The following GLRX3 variants were observed in gnomAD, a reference collection of about 807,000 sequenced individuals.
The protein encoded by GLRX3 is glutaredoxin-3.
A neutral mutation model predicts 49.5 loss-of-function variants in GLRX3; 22 were observed. The observed-to-expected ratio is 0.44, with a 90% CI of 0.32 to 0.63. The LOEUF is 0.63. GLRX3 is among the 30% of genes least tolerant of loss of function. The probability of loss-of-function intolerance (pLI) is 0.05; values close to 1 mark genes in which losing one functional copy is unlikely to be tolerated. For missense variants in GLRX3, 385 were observed against 396.3 expected (o/e 0.97, Z 0.24); for synonymous variants, 133 against 140.0 (o/e 0.95, Z 0.35).
intron 1 of GLRX3, among the ~76,000 whole-genome samples, chr10:130,138,530 A>G (rs1018587157): frequency 2.6e-5 from 4 of 152,210 alleles, no homozygotes; most frequent in Non-Finnish European, 4.4e-5. Flanking sequence ...TGATGAAATT[A>G]AAGTGTTATT....
chr10:130,176,321 T>C (rs1321389188), intron 10 of GLRX3, among the ~76,000 whole-genome samples: 1 of 152,118 alleles, frequency 6.6e-6, no homozygotes, highest in Admixed American at 6.5e-5. Context: ...GGTTTCACCA[T>C]GTTGGCCAGG....
At chr10:130,147,086 A>G (rs1862284161) in intron 2 of GLRX3, among the ~76,000 whole-genome samples, 1 of 152,240 alleles carries the variant, frequency 6.6e-6, no homozygotes, top group African/African-American at 2.4e-5. Flanking sequence ...AGATGTGAAT[A>G]TAGTGATTAG....
chr10:130,156,651 C>T (rs1250124097), intron 2 of GLRX3, among the ~76,000 whole-genome samples: 1 of 152,170 alleles, frequency 6.6e-6, no homozygotes, highest in East Asian at 1.9e-4. Flanking sequence ...TGTAGCTATT[C>T]GCCGTTACTG....
chr10:130,179,870 A>G (rs773726793), downstream of GLRX3, among the ~76,000 whole-genome samples: 3 of 152,208 alleles, frequency 2.0e-5, no homozygotes, highest in African/African-American at 4.8e-5. Flanking sequence ...TTCTGATGTC[A>G]TTGCTGAGCT....
intron 2 of GLRX3, among the ~76,000 whole-genome samples, chr10:130,155,418 T>C (rs1223622202): frequency 6.6e-6 from 1 of 152,184 alleles, no homozygotes; most frequent in Non-Finnish European, 1.5e-5. Flanking sequence ...TAGAAGCAGG[T>C]ACCCCAGTTA....
At chr10:130,174,151 T>C (rs986792633) in intron 8 of GLRX3, among the ~76,000 whole-genome samples, 1 of 152,274 alleles carries the variant, frequency 6.6e-6, no homozygotes, top group Non-Finnish European at 1.5e-5. Context: ...AAAGCTTTCA[T>C]TGGCCTTTTG....
chr10:130,159,298 T>C (rs1003674111), intron 2 of GLRX3, among the ~76,000 whole-genome samples: 6 of 152,340 alleles, frequency 3.9e-5, no homozygotes, highest in African/African-American at 1.4e-4. Context: ...AGAAATTGTG[T>C]TACTAAATGT....
chr10:130,163,055 C>T (rs954152684), intron 4 of GLRX3, among the ~76,000 whole-genome samples: 1 of 152,012 alleles, frequency 6.6e-6, no homozygotes, highest in Non-Finnish European at 1.5e-5. Context: ...TTATATTAAA[C>T]TTATTTAAAT....
At chr10:130,162,257 A>G (rs1862589158) in intron 4 of GLRX3, among the ~76,000 whole-genome samples, 1 of 152,218 alleles carries the variant, frequency 6.6e-6, no homozygotes. Flanking sequence ...TGCTGGGATT[A>G]TAGGCGTGAG....
At chr10:130,169,748 A>G (rs904904354) in intron 7 of GLRX3, among the ~76,000 whole-genome samples, 1 of 152,204 alleles carries the variant, frequency 6.6e-6, no homozygotes, top group African/African-American at 2.4e-5. Context: ...CACTGTTAAC[A>G]CTTTACTGGT....
chr10:130,141,914 T>C (rs188220117), intron 1 of GLRX3, among the ~76,000 whole-genome samples: 13 of 152,314 alleles, frequency 8.5e-5, no homozygotes, highest in Admixed American at 5.2e-4. Context: ...GCCTGTGTTC[T>C]AGTTTTAGGG....
At chr10:130,144,312 T>G (rs1237362258) in intron 1 of GLRX3, among the ~76,000 whole-genome samples, 2 of 151,230 alleles carry the variant, frequency 1.3e-5, no homozygotes, top group East Asian at 2.0e-4. Flanking sequence ...TTCGTTTACT[T>G]TAAGTTCTGG....
At chr10:130,152,887 G>A (rs745598943) in intron 2 of GLRX3, among the ~76,000 whole-genome samples, 4 of 152,214 alleles carry the variant, frequency 2.6e-5, no homozygotes, top group Non-Finnish European at 5.9e-5. Flanking sequence ...ATAATATCCT[G>A]AAGAGTGTTT....
intron 2 of GLRX3, among the ~76,000 whole-genome samples, chr10:130,154,423 G>T (rs754298249): frequency 3.9e-5 from 6 of 152,180 alleles, no homozygotes; most frequent in Non-Finnish European, 7.3e-5. Flanking sequence ...CATTGATCTC[G>T]CTGGGAGCTG....
chr10:130,143,926 C>T (rs931258624), intron 1 of GLRX3, among the ~76,000 whole-genome samples: 4 of 151,918 alleles, frequency 2.6e-5, no homozygotes, highest in East Asian at 3.9e-4. Flanking sequence ...CTCGAACTGC[C>T]GACCTCAAGT....
chr10:130,162,050 C>T (rs996610910), intron 4 of GLRX3, among the ~76,000 whole-genome samples: 1 of 152,168 alleles, frequency 6.6e-6, no homozygotes, highest in South Asian at 2.1e-4. Flanking sequence ...GATCTCAGTG[C>T]GACGGAACCT....
intron 10 of GLRX3, among the ~76,000 whole-genome samples, chr10:130,177,387 T>C (rs1013635454): frequency 1.3e-5 from 2 of 152,226 alleles, no homozygotes; most frequent in African/African-American, 4.8e-5. Flanking sequence ...ACTTTCCACC[T>C]GCCGGCTCGC....
At chr10:130,141,441 C>T (rs1352400848) in intron 1 of GLRX3, among the ~76,000 whole-genome samples, 2 of 152,086 alleles carry the variant, frequency 1.3e-5, no homozygotes, top group African/African-American at 2.4e-5. Flanking sequence ...GTATACACAC[C>T]GATAACCACC....
chr10:130,137,481 G>A (rs750477387), intron 1 of GLRX3, among the ~76,000 whole-genome samples: 7 of 152,062 alleles, frequency 4.6e-5, no homozygotes, highest in Non-Finnish European at 1.0e-4. Flanking sequence ...GGATTGCCTG[G>A]GATCCAGTCC....
Sources: gnomAD v4.1 joint callset for allele counts (sites outside exome capture counted in the v4.1 genomes callset) on GRCh38, gnomAD v4.1.1 for gene constraint, MANE v1.5 for transcripts, NCBI Gene and HGNC (gene_info 2026-07-23, HGNC 2026-07-21) for gene names.